Variants in LCORL observed in about 807,000 individuals in gnomAD.
LCORL encodes the protein ligand-dependent nuclear receptor corepressor-like protein.
A neutral mutation model predicts 141.8 loss-of-function variants in LCORL; 41 were observed. The ratio of observed to expected loss-of-function variants is 0.29; its 90% CI spans 0.23 to 0.38. The LOEUF (loss-of-function observed/expected upper bound fraction) is 0.38. Ranked by LOEUF, LCORL falls within the 10% of genes least tolerant of loss-of-function variation. LCORL has a pLI of 1.00. For missense variants in LCORL, 1,759 were observed against 2,035.0 expected, an observed-to-expected ratio of 0.86 and a Z score of 2.61; for synonymous variants, 618 against 694.1, an observed-to-expected ratio of 0.89 and a Z score of 1.72.
At chr4:17,875,196 G>C (rs749305994) in exon 7 of LCORL, 115 of 1,231,626 alleles carry the variant, frequency 9.3e-5, no homozygotes, top group Non-Finnish European at 1.1e-4. Context: ...CTGAGGTGAA[G>C]TTCTATTAAT....
At chr4:17,883,021 CTA>C (rs1727781437) in intron 6 of LCORL, 1 of 975,992 alleles carries the variant, frequency 1.0e-6, no homozygotes, top group Non-Finnish European at 1.2e-6. Flanking sequence ...CTGGGGTTAA[CTA>C]TGTGTCAGTT....
At chr4:17,890,235 T>C (rs1389373602) in intron 5 of LCORL, among the ~76,000 whole-genome samples, 1 of 152,120 alleles carries the variant, frequency 6.6e-6, no homozygotes, top group Non-Finnish European at 1.5e-5. Flanking sequence ...TCCCACATCC[T>C]TGATAACACT....
At chr4:17,905,041 T>C (rs948042314) in intron 5 of LCORL, among the ~76,000 whole-genome samples, 7 of 152,178 alleles carry the variant, frequency 4.6e-5, no homozygotes, top group African/African-American at 1.4e-4. Context: ...AGACCTGACA[T>C]AGTTTATCCA....
intron 5 of LCORL, among the ~76,000 whole-genome samples, chr4:17,890,731 T>C (rs1728949858): frequency 6.6e-6 from 1 of 152,106 alleles, no homozygotes; most frequent in South Asian, 2.1e-4. Context: ...ATTGTCTATA[T>C]AACACTACCG....
At chr4:17,923,114 T>C (rs1352820690) in intron 4 of LCORL, among the ~76,000 whole-genome samples, 1 of 152,212 alleles carries the variant, frequency 6.6e-6, no homozygotes, top group Non-Finnish European at 1.5e-5. Flanking sequence ...TGAGGTGTGC[T>C]ACACTCCAAA....
At chr4:17,974,916 T>C (rs1323707045) in intron 1 of LCORL, among the ~76,000 whole-genome samples, 5 of 152,268 alleles carry the variant, frequency 3.3e-5, no homozygotes, top group African/African-American at 1.2e-4. Flanking sequence ...GAATCTGTAG[T>C]TGTGTCCCTC....
At chr4:17,876,669 C>T (rs767258) in exon 7 of LCORL, 10 of 1,230,546 alleles carry the variant, frequency 8.1e-6, no homozygotes, top group Admixed American at 4.2e-5. Flanking sequence ...CACAATATTT[C>T]GTTTAGTTCT....
Position 17,930,354 on chromosome 4 carries a change from T to C in LCORL, c.431-21009A>G, listed in dbSNP as rs146821424. On this transcript the variant is annotated intron_variant, in intron 4 of 7. Transcript: ENST00000635767. Reference sequence around the variant, plus strand: ...TCCGTTTCCACACACAAACACGAAGTAGAGTTTTCTACTGTTTAATTGCAC... The same window carrying C: ...TCCGTTTCCACACACAAACACGAAGCAGAGTTTTCTACTGTTTAATTGCAC... 7.2e-4 allele frequency among the ~76,000 whole-genome samples: 110 copies of C among 152,292 alleles called. 1 individual carries two copies. Among genetic ancestry groups the C allele is most frequent in the African/African-American group, 2.5e-3 (105 of 41,570 alleles).
At chr4:17,995,653 CT>C (rs1720798324) in intron 1 of LCORL, among the ~76,000 whole-genome samples, 1 of 152,118 alleles carries the variant, frequency 6.6e-6, no homozygotes, top group Non-Finnish European at 1.5e-5. Flanking sequence ...TATGGTTCCC[CT>C]GTTGAAGGCT....
At chr4:17,883,692 ACT>A (rs1267902578) in intron 6 of LCORL, 7 of 1,496,012 alleles carry the variant, frequency 4.7e-6, no homozygotes, top group South Asian at 1.4e-5. Context: ...ACACACACAC[ACT>A]CACAAACATT....
In LCORL at chr4:17,977,934, T is replaced by C. The variant is rs150914543; in HGVS notation, c.155-5049A>G. On this transcript the variant is annotated intron_variant, in intron 1 of 7. Transcript: ENST00000635767. ...ATCACTTTTTGTGGATGGTGTGAAA[T>C]GACTGATCTTTTTTTTGTTTCTGTA... Among the ~76,000 whole-genome samples, 153 of 152,322 alleles carry C rather than the reference T, an allele frequency of 1.0e-3. 1 individual carries two copies. The highest frequency in any genetic ancestry group is 2.0e-3 in the Admixed American group (30 of 15,306).
chr4:17,890,348 C>A (rs1265425620), intron 5 of LCORL, among the ~76,000 whole-genome samples: 1 of 152,010 alleles, frequency 6.6e-6, no homozygotes, highest in African/African-American at 2.4e-5. Context: ...ATTTAAAGCA[C>A]ACAAAACTAT....
chr4:17,945,088 A>G (rs867892840), intron 4 of LCORL, among the ~76,000 whole-genome samples: 22 of 152,160 alleles, frequency 1.4e-4, no homozygotes, highest in African/African-American at 5.1e-4. Context: ...TAGATTCCTT[A>G]TATCTTAGCA....
At chr4:17,971,234 C>T (rs1479200966) in intron 2 of LCORL, among the ~76,000 whole-genome samples, 1 of 152,010 alleles carries the variant, frequency 6.6e-6, no homozygotes, top group Non-Finnish European at 1.5e-5. Flanking sequence ...ATTTTGGTGT[C>T]TTTTCTTTCT....
At chr4:17,963,739 G>A (rs1372159634) in intron 2 of LCORL, among the ~76,000 whole-genome samples, 1 of 151,644 alleles carries the variant, frequency 6.6e-6, no homozygotes, top group Non-Finnish European at 1.5e-5. Context: ...ATTTTATGAA[G>A]GCATAATAAT....
At chr4:17,920,199 A>G (rs2109368442) in intron 4 of LCORL, among the ~76,000 whole-genome samples, 1 of 152,344 alleles carries the variant, frequency 6.6e-6, no homozygotes, top group African/African-American at 2.4e-5. Context: ...CCAGGTAGAT[A>G]GTATCAGAAT....
intron 1 of LCORL, among the ~76,000 whole-genome samples, chr4:18,002,254 A>C (rs1253358573): frequency 5.3e-5 from 8 of 152,200 alleles, no homozygotes; most frequent in Admixed American, 5.2e-4. Context: ...GTCTATAATA[A>C]GCAATATCTT....
intron 5 of LCORL, among the ~76,000 whole-genome samples, chr4:17,896,074 G>A (rs959040376): frequency 1.3e-5 from 2 of 152,056 alleles, no homozygotes; most frequent in Non-Finnish European, 2.9e-5. Flanking sequence ...AGAACTGTTG[G>A]GTTATATAAC....
chr4:17,887,630 T>G (rs1304794395), intron 5 of LCORL, among the ~76,000 whole-genome samples: 1 of 152,134 alleles, frequency 6.6e-6, no homozygotes, highest in Non-Finnish European at 1.5e-5. Flanking sequence ...AGAAATGTTA[T>G]AGGAAGAGGT....
Sources: gnomAD v4.1 joint callset for allele counts (sites outside exome capture counted in the v4.1 genomes callset) on GRCh38, gnomAD v4.1.1 for gene constraint, MANE v1.5 for transcripts, NCBI Gene and HGNC (gene_info 2026-07-23, HGNC 2026-07-21) for gene names.